SOX5: variants seen among roughly 807,000 people sequenced by gnomAD.
SOX5 encodes the protein transcription factor SOX-5.
Under a neutral mutation model 92.0 loss-of-function variants are expected in SOX5, and 9 were observed. The ratio of observed to expected loss-of-function variants is 0.10; its 90% CI spans 0.06 to 0.17. The LOEUF (loss-of-function observed/expected upper bound fraction) is 0.17, where lower values mean the gene tolerates loss of function less well. Ranked by LOEUF, SOX5 falls within the 10% of genes least tolerant of loss-of-function variation. The pLI, the probability that SOX5 is intolerant of heterozygous loss-of-function variation, is 1.00. For missense variants in SOX5, 642 were observed against 944.5 expected, an observed-to-expected ratio of 0.68 and a Z score of 4.20; for synonymous variants, 344 against 336.3, an observed-to-expected ratio of 1.02 and a Z score of -0.25.
intron 3 of SOX5, among the ~76,000 whole-genome samples, chr12:23,831,667 C>G (rs1225657400): frequency 6.6e-6 from 1 of 151,866 alleles, no homozygotes; most frequent in East Asian, 1.9e-4. Context: ...TAAAGTAACA[C>G]TAGGTAAGTT....
intron 6 of SOX5, among the ~76,000 whole-genome samples, chr12:23,667,412 C>T (rs1006686556): frequency 6.6e-6 from 1 of 152,012 alleles, no homozygotes; most frequent in Non-Finnish European, 1.5e-5. Flanking sequence ...AAACTTCGGT[C>T]TTTTATAGAT....
At chr12:24,143,740 C>T (rs1000577309) in intron 4 of SOX5, among the ~76,000 whole-genome samples, 18 of 149,452 alleles carry the variant, frequency 1.2e-4, no homozygotes, top group African/African-American at 4.3e-4. Flanking sequence ...GTGGGACACT[C>T]TACTCTGGGA....
intron 2 of SOX5, among the ~76,000 whole-genome samples, chr12:24,338,310 G>A (rs1019754734): frequency 2.0e-5 from 3 of 152,054 alleles, no homozygotes; most frequent in Non-Finnish European, 4.4e-5. Flanking sequence ...TACACAATAC[G>A]ATGTGTTAAA....
chr12:24,145,956 A>G (rs775441570), intron 4 of SOX5, among the ~76,000 whole-genome samples: 3 of 152,230 alleles, frequency 2.0e-5, no homozygotes, highest in Admixed American at 6.5e-5. Context: ...TTAAACATCT[A>G]TGAATGAGAT....
At chr12:23,990,194 A>AC in intron 4 of SOX5, among the ~76,000 whole-genome samples, 2 of 152,244 alleles carry the variant, frequency 1.3e-5, no homozygotes, top group Admixed American at 1.3e-4. Flanking sequence ...TTATTCTCTT[A>AC]CCTAGTCTCT....
At chr12:24,020,239 C>A (rs956562787) in intron 4 of SOX5, among the ~76,000 whole-genome samples, 3 of 152,090 alleles carry the variant, frequency 2.0e-5, no homozygotes, top group Admixed American at 6.6e-5. Flanking sequence ...ACCCCTGATG[C>A]CCCATGATGA....
chr12:24,325,646 C>T (rs1007034465), intron 2 of SOX5, among the ~76,000 whole-genome samples: 7 of 152,110 alleles, frequency 4.6e-5, no homozygotes, highest in African/African-American at 1.4e-4. Flanking sequence ...AGAAGGGGAA[C>T]ATGCATTTAC....
chr12:23,728,952 A>G (rs1390169739), intron 6 of SOX5, among the ~76,000 whole-genome samples: 1 of 151,822 alleles, frequency 6.6e-6, no homozygotes, highest in African/African-American at 2.4e-5. Flanking sequence ...CTTTCTAAAA[A>G]CCTCTTGTAG....
chr12:24,024,182 T>G (rs914385120), intron 4 of SOX5, among the ~76,000 whole-genome samples: 3 of 152,072 alleles, frequency 2.0e-5, no homozygotes, highest in Admixed American at 6.6e-5. Context: ...CTCAGTATTT[T>G]GGAATATAAT....
chr12:24,513,454 G>A (rs1949506726), intron 1 of SOX5, among the ~76,000 whole-genome samples: 1 of 152,164 alleles, frequency 6.6e-6, no homozygotes, highest in African/African-American at 2.4e-5. Flanking sequence ...TTGTAAACTG[G>A]CATGCTTTTC....
intron 2 of SOX5, chr12:24,368,346 A>C (rs1595979788): frequency 1.3e-5 from 2 of 152,194 alleles, no homozygotes; most frequent in East Asian, 3.8e-4. Context: ...TTACTACAGA[A>C]TCTACAAAAA....
chr12:23,902,871 A>T (rs77426234), intron 1 of SOX5, among the ~76,000 whole-genome samples: 1 of 152,200 alleles, frequency 6.6e-6, no homozygotes, highest in African/African-American at 2.4e-5. Context: ...ATAGGGCAGT[A>T]TAATTCCTAG....
At chr12:23,891,990 T>C (rs2097134009) in intron 2 of SOX5, among the ~76,000 whole-genome samples, 1 of 152,158 alleles carries the variant, frequency 6.6e-6, no homozygotes, top group African/African-American at 2.4e-5. Context: ...TACTCATCCA[T>C]GTAAACTTAG....
chr12:23,765,490 T>C lies in SOX5; in HGVS notation c.482-9766A>G, dbSNP rs2094697212. Among the ~76,000 whole-genome samples the C allele has an allele frequency of 5.2e-5, 6 of 114,308 alleles. No individual in the cohort carries two copies. In the South Asian group the frequency reaches 1.8e-3, roughly 34 times the overall value. 75.0% of individuals were successfully genotyped at this position (114,308 alleles called of 152,430 possible). ...AAAAGAAGCAAACAATCAGCAACAA[T>C]AAATAATTAAAGGAAGCCTGGATAC... On this transcript the variant is annotated intron_variant, in intron 3 of 14. Coordinates refer to ENST00000451604, the MANE Select transcript of SOX5 (RefSeq NM_006940.6).
intron 1 of SOX5, among the ~76,000 whole-genome samples, chr12:24,513,251 T>C (rs956583093): frequency 6.6e-6 from 1 of 152,246 alleles, no homozygotes. Flanking sequence ...GTGTATTAAA[T>C]GTGTTTTCAA....
In SOX5 at chr12:24,122,185, T is replaced by C. The variant is rs79308723; in HGVS notation, c.-2+91158A>G. ...ACTTTCAATGGAAATGTTAAACAGA[T>C]GATGTTACGATCCCGAAGCATTTCT... On this transcript the variant is annotated intron_variant, in intron 4 of 4. Transcript: ENST00000446891. Among the ~76,000 whole-genome samples, 477 of 152,250 alleles carry C rather than the reference T, an allele frequency of 3.1e-3. 9 individuals carry two copies. The highest frequency in any genetic ancestry group is 0.023 in the Admixed American group (358 of 15,306).
At chr12:24,332,093 C>G (rs80154712) in intron 2 of SOX5, among the ~76,000 whole-genome samples, 19,171 of 151,630 alleles carry the variant, frequency 0.13, 1,621 homozygotes, top group East Asian at 0.49. Flanking sequence ...TGAAGAAATA[C>G]CATAGTACTT....
At chr12:24,104,971 T>C (rs1352035419) in intron 4 of SOX5, among the ~76,000 whole-genome samples, 2 of 152,212 alleles carry the variant, frequency 1.3e-5, no homozygotes, top group Non-Finnish European at 2.9e-5. Context: ...GATCATTACT[T>C]TGGAACAGTC....
chr12:24,269,685 A>ATTTTTTT (rs1943447463), intron 3 of SOX5, among the ~76,000 whole-genome samples: 1 of 103,702 alleles, frequency 9.6e-6, no homozygotes, highest in Non-Finnish European at 2.0e-5. Context: ...CTTTATTTTT[A>ATTTTTTT]TTCTTTTTTT....
Sources: gnomAD v4.1 joint callset for allele counts (sites outside exome capture counted in the v4.1 genomes callset) on GRCh38, gnomAD v4.1.1 for gene constraint, MANE v1.5 for transcripts, NCBI Gene and HGNC (gene_info 2026-07-23, HGNC 2026-07-21) for gene names.